Variants in GRXCR1 observed in about 807,000 individuals in gnomAD.
The protein encoded by GRXCR1 is glutaredoxin domain-containing cysteine-rich protein 1.
GRXCR1 carries 27 observed loss-of-function variants against 27.3 expected under a neutral mutation model. That is an observed-to-expected ratio of 0.99 (90% CI 0.73 to 1.37). The LOEUF is 1.37. Ranked by LOEUF, GRXCR1 falls within the 40% of genes most tolerant of loss-of-function variation. The pLI is 0.00. For missense variants in GRXCR1, 379 were observed against 354.4 expected (o/e 1.07, Z -0.56); for synonymous variants, 122 against 131.1 (o/e 0.93, Z 0.47).
intron 1 of GRXCR1, among the ~76,000 whole-genome samples, chr4:42,901,875 G>A (rs1746469386): frequency 6.6e-6 from 1 of 152,234 alleles, no homozygotes; most frequent in East Asian, 1.9e-4. Flanking sequence ...ACTTCCTTTG[G>A]CTGAAAGGAT....
intron 2 of GRXCR1, among the ~76,000 whole-genome samples, chr4:42,966,065 A>T (rs1577923746): frequency 1.3e-5 from 2 of 152,096 alleles, no homozygotes; most frequent in Admixed American, 1.3e-4. Context: ...ATACTTTAGA[A>T]GGTAAATCTG....
chr4:42,943,714 A>T (rs1747677083), intron 1 of GRXCR1, among the ~76,000 whole-genome samples: 1 of 152,100 alleles, frequency 6.6e-6, no homozygotes, highest in African/African-American at 2.4e-5. Flanking sequence ...TTCATTCAAG[A>T]AATATTTTTT....
chr4:43,003,575 T>A (rs941776584), intron 2 of GRXCR1, among the ~76,000 whole-genome samples: 1 of 152,184 alleles, frequency 6.6e-6, no homozygotes, highest in Non-Finnish European at 1.5e-5. Context: ...CAGATGGAGA[T>A]GAGAAACTTC....
chr4:42,896,674 T>G (rs1485824842), intron 1 of GRXCR1, among the ~76,000 whole-genome samples: 1 of 152,136 alleles, frequency 6.6e-6, no homozygotes, highest in Non-Finnish European at 1.5e-5. Flanking sequence ...CTTTAGGTTA[T>G]TCTTACATGC....
chr4:42,948,573 C>T (rs894652277), intron 1 of GRXCR1, among the ~76,000 whole-genome samples: 3 of 152,110 alleles, frequency 2.0e-5, no homozygotes, highest in Non-Finnish European at 4.4e-5. Context: ...ATCCATCTGT[C>T]TGTGATAGGC....
chr4:42,957,910 A>C (rs772595713), intron 1 of GRXCR1, among the ~76,000 whole-genome samples: 1 of 151,812 alleles, frequency 6.6e-6, no homozygotes, highest in African/African-American at 2.4e-5. Context: ...GTCACTCTGT[A>C]ATTTGTCACT....
At chr4:42,997,152 G>A (rs1712192640) in intron 2 of GRXCR1, among the ~76,000 whole-genome samples, 1 of 151,938 alleles carries the variant, frequency 6.6e-6, no homozygotes, top group Non-Finnish European at 1.5e-5. Flanking sequence ...TATATTAATA[G>A]GTTATTACCC....
intron 2 of GRXCR1, among the ~76,000 whole-genome samples, chr4:43,004,864 A>C (rs1052471054): frequency 6.6e-6 from 1 of 152,152 alleles, no homozygotes; most frequent in African/African-American, 2.4e-5. Context: ...TGGACGTTTG[A>C]GTTAATGCTG....
chr4:42,900,672 G>A (rs969507717), intron 1 of GRXCR1, among the ~76,000 whole-genome samples: 2 of 152,114 alleles, frequency 1.3e-5, no homozygotes, highest in African/African-American at 2.4e-5. Flanking sequence ...GGGGAATTGT[G>A]TTATTACAGG....
chr4:42,936,342 G>A (rs1388162523), intron 1 of GRXCR1, among the ~76,000 whole-genome samples: 4 of 151,798 alleles, frequency 2.6e-5, no homozygotes, highest in Admixed American at 6.6e-5. Context: ...GTTATAGTAA[G>A]CTGTTAAGAT....
intron 1 of GRXCR1, among the ~76,000 whole-genome samples, chr4:42,918,854 G>T (rs1420652604): frequency 6.6e-6 from 1 of 151,916 alleles, no homozygotes; most frequent in Non-Finnish European, 1.5e-5. Context: ...CTTCCTGTTT[G>T]GAAAATTAAA....
chr4:42,963,567 G>A (rs1748176312), intron 2 of GRXCR1, among the ~76,000 whole-genome samples: 4 of 151,968 alleles, frequency 2.6e-5, no homozygotes, highest in Admixed American at 2.0e-4. Context: ...AAATCAATAA[G>A]AAATGGGGCC....
intron 1 of GRXCR1, among the ~76,000 whole-genome samples, chr4:42,921,972 T>C (rs539014513): frequency 6.6e-6 from 1 of 152,132 alleles, no homozygotes; most frequent in Non-Finnish European, 1.5e-5. Context: ...TGTTTATCAC[T>C]TCTCTGGCAT....
intron 1 of GRXCR1, among the ~76,000 whole-genome samples, chr4:42,907,945 G>A (rs1746633645): frequency 6.6e-6 from 1 of 152,190 alleles, no homozygotes; most frequent in African/African-American, 2.4e-5. Flanking sequence ...TTGGTTCCTG[G>A]ATCCATGAAT....
At chr4:42,980,328 G>T (rs557443151) in intron 2 of GRXCR1, among the ~76,000 whole-genome samples, 1 of 151,674 alleles carries the variant, frequency 6.6e-6, no homozygotes, top group Non-Finnish European at 1.5e-5. Flanking sequence ...TTAAGTTTTG[G>T]TATGTAGTGT....
chr4:42,938,943 T>C (rs1408495571), intron 1 of GRXCR1, among the ~76,000 whole-genome samples: 2 of 151,980 alleles, frequency 1.3e-5, no homozygotes, highest in African/African-American at 2.4e-5. Flanking sequence ...TGTGATGTGA[T>C]TCCTCCAGTT....
At chr4:43,013,976 A>G (rs1007853792) in intron 2 of GRXCR1, among the ~76,000 whole-genome samples, 5 of 152,000 alleles carry the variant, frequency 3.3e-5, no homozygotes, top group Non-Finnish European at 5.9e-5. Context: ...GAAGTGGCTC[A>G]GCACTAATTA....
chr4:42,978,229 A>G (rs1263098470), intron 2 of GRXCR1, among the ~76,000 whole-genome samples: 1 of 152,078 alleles, frequency 6.6e-6, no homozygotes, highest in African/African-American at 2.4e-5. Context: ...CATAACTTGA[A>G]GTCAGGTAGT....
chr4:43,007,093 T>C (rs1364484360), intron 2 of GRXCR1, among the ~76,000 whole-genome samples: 1 of 152,202 alleles, frequency 6.6e-6, no homozygotes, highest in Admixed American at 6.5e-5. Flanking sequence ...TAGGGTTAAC[T>C]AATAGATTCT....
Sources: allele counts gnomAD v4.1 joint callset (sites outside exome capture counted in the v4.1 genomes callset), GRCh38; gene constraint gnomAD v4.1.1; transcripts MANE v1.5; gene names NCBI Gene and HGNC (gene_info 2026-07-23, HGNC 2026-07-21).